Variants in PFKP observed in about 807,000 individuals in gnomAD.
PFKP encodes ATP-dependent 6-phosphofructokinase, platelet type.
Under a neutral mutation model 94.3 loss-of-function variants are expected in PFKP, and 101 were observed. The observed-to-expected ratio is 1.07, with a 90% CI of 0.91 to 1.26. The LOEUF is 1.26. Among genes scored for constraint, PFKP ranks in the 50% most tolerant of loss-of-function variants. The probability of loss-of-function intolerance (pLI) is 0.00; values close to 1 mark genes in which losing one functional copy is unlikely to be tolerated. For missense variants in PFKP, 1,145 were observed against 1,103.3 expected (o/e 1.04, Z -0.53); for synonymous variants, 573 against 432.6 (o/e 1.32, Z -4.03).
chr10:3,089,764 A>G (rs1833906335), intron 2 of PFKP, among the ~76,000 whole-genome samples: 2 of 151,648 alleles, frequency 1.3e-5, no homozygotes, highest in South Asian at 4.2e-4. Flanking sequence ...ACATTATTAT[A>G]CATTATTAAC....
chr10:3,110,365 A>ATTTTTTTTTTTTTTTT (rs57980780), intron 10 of PFKP, among the ~76,000 whole-genome samples: 8 of 92,582 alleles, frequency 8.6e-5, no homozygotes, highest in African/African-American at 2.1e-4. Context: ...CGCCTGGCTA[A>ATTTTTTTTTTTTTTTT]TTTTTTTTTT....
intron 14 of PFKP, 105 bp downstream of exon 14, chr10:3,116,951 G>C: frequency 1.1e-6 from 1 of 907,788 alleles, no homozygotes; most frequent in Non-Finnish European, 1.9e-6. Context: ...TTCCTGGAAA[G>C]GCGTCCCTAA....
chr10:3,089,351 T>A (rs1833871033), intron 2 of PFKP, among the ~76,000 whole-genome samples: 1 of 152,188 alleles, frequency 6.6e-6, no homozygotes, highest in African/African-American at 2.4e-5. Context: ...GTTTTCTTTG[T>A]CCATTTATCC....
intron 10 of PFKP, among the ~76,000 whole-genome samples, chr10:3,109,782 G>A (rs1727451911): frequency 6.6e-6 from 1 of 152,010 alleles, no homozygotes; most frequent in African/African-American, 2.4e-5. Context: ...GAGGATCCAG[G>A]TGGCCCCAGT....
At chr10:3,111,700 T>A (rs1836252566) in intron 10 of PFKP, among the ~76,000 whole-genome samples, 1 of 152,144 alleles carries the variant, frequency 6.6e-6, no homozygotes, top group Non-Finnish European at 1.5e-5. Flanking sequence ...GATCCTGACG[T>A]TGCCCAGGGC....
intron 10 of PFKP, among the ~76,000 whole-genome samples, chr10:3,110,504 C>A (rs1046582563): frequency 4.0e-5 from 6 of 151,796 alleles, no homozygotes; most frequent in Non-Finnish European, 2.9e-5. Context: ...GCATGAGCCA[C>A]CACGCCCAGC....
chr10:3,107,961 C>T (rs1489468349), intron 8 of PFKP: 1 of 1,289,610 alleles, frequency 7.8e-7, no homozygotes, highest in East Asian at 5.5e-5. Context: ...AAGACGTCCC[C>T]ACCTGGCTTT....
chr10:3,082,406 G>A lies in PFKP; in HGVS notation c.131G>A (p.Arg44His), dbSNP rs1833153619. ...ACTGCAGGTATGAACGCTGCCGTCC[G>A]TGCCGTGGTGCGCATGGGTATCTAC... Reference protein sequence around the residue: ...GDAQGMNAAVRAVVRMGIYVG... With the variant: ...GDAQGMNAAVHAVVRMGIYVG... Residue 44 changes from arginine (R) to histidine (H), a missense_variant, in exon 2 of 22, where the codon CGT (arginine) becomes CAT (histidine). Arg to His is a conservative substitution (Grantham distance 29, BLOSUM62 0). This residue lies in a region of PFKP where 1,119 missense variants were observed against 1,062.8 expected (regional missense o/e 1.05). Coordinates refer to ENST00000381125, the MANE Select transcript of PFKP (RefSeq NM_002627.5). 6.2e-7 allele frequency: 1 copy of A among 1,605,874 alleles called. No homozygotes were observed. The highest frequency in any genetic ancestry group is 8.5e-7 in the Non-Finnish European group (1 of 1,174,752).
At chr10:3,079,288 G>T (rs978029054) in intron 1 of PFKP, among the ~76,000 whole-genome samples, 2 of 151,774 alleles carry the variant, frequency 1.3e-5, no homozygotes, top group African/African-American at 4.8e-5. Flanking sequence ...AGGCTGGAGT[G>T]CAGTGGCATG....
At chr10:3,116,991 C>T (rs887326638) in intron 14 of PFKP, 145 bp downstream of exon 14, 41 of 704,324 alleles carry the variant, frequency 5.8e-5, no homozygotes, top group Admixed American at 1.1e-4. Flanking sequence ...ACCGGTCCTC[C>T]CTCCAGTGGA....
intron 4 of PFKP, among the ~76,000 whole-genome samples, chr10:3,103,000 A>T (rs924795085): frequency 6.6e-6 from 1 of 152,204 alleles, no homozygotes; most frequent in Admixed American, 6.5e-5. Context: ...GATTCCCTTT[A>T]TGCAGAACTG....
chr10:3,111,714 C>T (rs958769766), intron 10 of PFKP, among the ~76,000 whole-genome samples: 1 of 152,152 alleles, frequency 6.6e-6, no homozygotes, highest in Admixed American at 6.5e-5. Context: ...CCAGGGCTGC[C>T]TGGCGTGCAT....
chr10:3,103,974 C>A (rs1406277918), intron 5 of PFKP, 30 bp downstream of exon 5: 5 of 1,604,570 alleles, frequency 3.1e-6, no homozygotes, highest in Non-Finnish European at 4.3e-6. Context: ...CGGCGGGAGG[C>A]CAGTGGGGCC....
rs1478325873 is a variant in PFKP, at chr10:3,080,827, T to C, written c.113-1561T>C. Among the ~76,000 whole-genome samples the C allele has an allele frequency of 2.0e-5, 3 of 152,160 alleles. No individual in the cohort carries two copies. The East Asian group carries it at 5.8e-4, about 29-fold the overall frequency. On this transcript the variant is annotated intron_variant, in intron 1 of 21. Transcript: ENST00000381125. ...GAGGGAGTCAGGGAGTCGGGGGTAA[T>C]GTTGGGAGCAGGTGTTGGTTGTATG...
chr10:3,105,498 G>A lies in PFKP; in HGVS notation c.771G>A (p.Ser257=), dbSNP rs144604806. Residue 257 remains serine, a synonymous_variant, in exon 7 of 22, where the codon TCG becomes TCA. Transcript: ENST00000381125. ...AGGAGCAGATGTGTGTCAAACTCTC[G>A]GAGGTAATGCGGGTCCCGTGGCCGT... is the stretch of plus-strand genomic sequence containing the variant. ...GWEEQMCVKL[S]ENRARKKRLN... 1.4e-4 allele frequency: 218 copies of A among 1,607,070 alleles called. No homozygotes were observed. The African/African-American group carries it at 2.2e-3, about 17-fold the overall frequency.
intron 2 of PFKP, among the ~76,000 whole-genome samples, chr10:3,087,148 G>A (rs963072502): frequency 3.9e-5 from 6 of 152,118 alleles, no homozygotes; most frequent in African/African-American, 7.2e-5. Flanking sequence ...TGGTAGAGAC[G>A]GGGTTTCAAC....
chr10:3,136,665 GTAT>G lies in PFKP; in HGVS notation c.*91_*93del, dbSNP rs1564367999. The G allele has an allele frequency of 5.5e-6, 8 of 1,446,992 alleles. No homozygotes were observed. In the South Asian group the frequency reaches 6.2e-5, roughly 11 times the overall value. 89.6% of individuals were successfully genotyped at this position (1,446,992 alleles called of 1,614,324 possible). A position where few individuals can be genotyped will look rare whatever the true frequency, so the allele number is the denominator to read the frequency against. ...GTTATTTTATCAGCACTTTATGCACGTATTATTGACATTAATACCTAATCGGCG... is the reference window on the plus strand; with the variant it reads ...GTTATTTTATCAGCACTTTATGCACGTATTGACATTAATACCTAATCGGCG... On this transcript the variant is annotated 3_prime_UTR_variant, in exon 22 of 22. Coordinates refer to ENST00000381125, the MANE Select transcript of PFKP (RefSeq NM_002627.5).
In PFKP at chr10:3,101,583, C is replaced by T. The variant is rs372174558; in HGVS notation, c.454+29C>T. The T allele has an allele frequency of 2.0e-4, 298 of 1,456,078 alleles. 2 individuals carry two copies. Among genetic ancestry groups the T allele is most frequent in the South Asian group, 8.4e-4 (59 of 69,926 alleles). The allele number at this position is 1,456,078 out of a possible 1,614,324, so 90.2% of individuals were successfully genotyped here. ...AGTGGACACCTGCTCCTCTGTCCTG[C>T]GGGTTTTCGCCCTGTTTCAGAGCTT... On this transcript the variant is annotated intron_variant, in intron 4 of 21. Transcript: ENST00000381125.
At chr10:3,113,325 C>A in intron 12 of PFKP, 47 bp from the exon 13 acceptor site, 2 of 1,574,224 alleles carry the variant, frequency 1.3e-6, no homozygotes, top group Non-Finnish European at 1.7e-6. Context: ...GCAAATGGAG[C>A]TCACGTGTGC....
Sources: gnomAD v4.1 joint callset for allele counts (sites outside exome capture counted in the v4.1 genomes callset) on GRCh38, gnomAD v4.1.1 for gene constraint, gnomAD v4.1.1 regional missense constraint, MANE v1.5 for transcripts, NCBI Gene and HGNC (gene_info 2026-07-23, HGNC 2026-07-21) for gene names.